Variants in ANK2 observed in about 807,000 individuals in gnomAD.
ANK2 encodes ankyrin-2.
A neutral mutation model predicts 360.5 loss-of-function variants in ANK2; 83 were observed. The ratio of observed to expected loss-of-function variants is 0.23; its 90% CI spans 0.19 to 0.28. ANK2 has a LOEUF of 0.28. ANK2 is among the 10% of genes least tolerant of loss of function. The probability of loss-of-function intolerance (pLI) is 1.00; values close to 1 mark genes in which losing one functional copy is unlikely to be tolerated. For synonymous variants in ANK2, 1,740 were observed against 1,759.5 expected (o/e 0.99, Z 0.28); for missense variants, 4,201 against 4,795.7 (o/e 0.88, Z 3.66).
At chr4:112,992,539 A>C (rs989122344) in intron 2 of ANK2, among the ~76,000 whole-genome samples, 1 of 152,190 alleles carries the variant, frequency 6.6e-6, no homozygotes, top group Non-Finnish European at 1.5e-5. Context: ...GACCTAAAAA[A>C]CAGAAATTTA....
At chr4:112,913,015 T>G (rs563497385) in intron 2 of ANK2, among the ~76,000 whole-genome samples, 1 of 152,200 alleles carries the variant, frequency 6.6e-6, no homozygotes, top group Non-Finnish European at 1.5e-5. Context: ...ATTTATAATT[T>G]TATGTTATAA....
chr4:113,024,757 G>T (rs1284619200), intron 2 of ANK2, among the ~76,000 whole-genome samples: 1 of 152,098 alleles, frequency 6.6e-6, no homozygotes, highest in African/African-American at 2.4e-5. Context: ...ATTGTTTGAC[G>T]CTAGAAGATA....
intron 5 of ANK2, among the ~76,000 whole-genome samples, chr4:113,236,021 A>T (rs973113038): frequency 1.3e-5 from 2 of 152,134 alleles, no homozygotes; most frequent in Non-Finnish European, 2.9e-5. Context: ...TACAGGTGTG[A>T]GCCACCGTGC....
chr4:112,861,883 A>G (rs1162975949), intron 1 of ANK2, among the ~76,000 whole-genome samples: 2 of 107,302 alleles, frequency 1.9e-5, no homozygotes, highest in East Asian at 7.5e-4. Flanking sequence ...CTCACAGTTT[A>G]TGCGAGAGTC....
rs752093696 is a variant in ANK2 at position 113,358,307 on chromosome 4, C to T, written c.9689C>T (p.Thr3230Met). The change falls in exon 38 of 46, where the codon ACG becomes ATG. Residue 3230 changes from threonine to methionine, a missense_variant. Around this residue, in one of 4 missense-constraint regions of ANK2, gnomAD observed 2,642 missense variants for 2,714.5 expected, o/e 0.97. Coordinates refer to ENST00000357077, the MANE Select transcript of ANK2 (RefSeq NM_001148.6). ...VGTKDLPTVQTGDIPPLSGVK... is the reference protein window; with the variant it reads ...VGTKDLPTVQMGDIPPLSGVK... Reference sequence around the variant, plus strand: ...ACCAAGGACCTCCCCACCGTGCAAACGGGTGATATACCTCCTCTCTCTGGT... The same window carrying T: ...ACCAAGGACCTCCCCACCGTGCAAATGGGTGATATACCTCCTCTCTCTGGT... The T allele has an allele frequency of 3.2e-5, 52 of 1,613,454 alleles. No homozygotes were observed. The East Asian group carries it at 7.4e-4, about 23-fold the overall frequency.
chr4:113,292,818 A>AC (rs1174882622), intron 21 of ANK2, among the ~76,000 whole-genome samples: 8 of 150,856 alleles, frequency 5.3e-5, no homozygotes, highest in African/African-American at 7.3e-5. Flanking sequence ...GCACAAATTG[A>AC]CCCCCCCTCG....
chr4:113,269,157 G>A (rs546357345), intron 14 of ANK2, among the ~76,000 whole-genome samples: 2 of 152,296 alleles, frequency 1.3e-5, no homozygotes, highest in Admixed American at 6.5e-5. Context: ...ATTAACTTCA[G>A]ACTGCTGTGC....
intron 17 of ANK2, among the ~76,000 whole-genome samples, chr4:113,280,870 G>T (rs1057042196): frequency 2.0e-5 from 3 of 152,152 alleles, no homozygotes; most frequent in Non-Finnish European, 2.9e-5. Context: ...AGGCAGTGGG[G>T]TAACTAAGAC....
Position 113,354,371 on chromosome 4 carries a change from C to T in ANK2, c.5753C>T (p.Pro1918Leu). Residue 1918 changes from proline to leucine, a missense_variant, in exon 38 of 46, where the codon CCC becomes CTC. By Grantham distance (98) the Pro-to-Leu change is moderately conservative. Coordinates refer to ENST00000357077, the MANE Select transcript of ANK2 (RefSeq NM_001148.6). ...GKTDKRPPVS[P>L]SGRTEKHPPV... ...ACAGACAAACGTCCACCTGTATCGC[C>T]CTCCGGGAGGACAGAAAAACACCCG... The T allele has an allele frequency of 6.2e-7, 1 of 1,614,058 alleles. No homozygotes were observed. The highest frequency in any genetic ancestry group is 8.5e-7 in the Non-Finnish European group (1 of 1,179,974).
At chr4:112,960,247 C>G (rs1197276507) in intron 2 of ANK2, among the ~76,000 whole-genome samples, 1 of 152,022 alleles carries the variant, frequency 6.6e-6, no homozygotes, top group Non-Finnish European at 1.5e-5. Flanking sequence ...ATATTGTCCA[C>G]AACCTTCTTT....
Position 113,354,433 on chromosome 4 carries a change from G to C in ANK2, c.5815G>C (p.Val1939Leu), listed in dbSNP as rs759195568. 1.7e-5 allele frequency: 28 copies of C among 1,614,006 alleles called. No homozygotes were observed. The highest frequency in any genetic ancestry group is 2.2e-5 in the Non-Finnish European group (26 of 1,179,960). Residue 1939 changes from valine (V) to leucine (L), a missense_variant, in exon 38 of 46, where the codon GTT (valine) becomes CTT (leucine). Physicochemically the swap from Val to Leu is conservative, Grantham distance 32 (BLOSUM62 1). This residue lies in a region of ANK2 where 2,642 missense variants were observed against 2,714.5 expected (regional missense o/e 0.97). Transcript: ENST00000357077. Reference sequence around the variant, plus strand: ...TGGGAGAACAGAAAAACGCTTGCCTGTTTCACCCTCCGGAAGAACGGACAA... The same window carrying C: ...TGGGAGAACAGAAAAACGCTTGCCTCTTTCACCCTCCGGAAGAACGGACAA... ...SPGRTEKRLP[V>L]SPSGRTDKHQ...
At position 113,357,346 on chromosome 4, in the gene ANK2, G is replaced by T. The variant is rs748400535; in HGVS notation, c.8728G>T (p.Val2910Leu). 3 of 1,613,890 alleles carry T rather than the reference G, an allele frequency of 1.9e-6. No individual in the cohort carries two copies. Among genetic ancestry groups the T allele is most frequent in the Non-Finnish European group, 2.5e-6 (3 of 1,179,958 alleles). Residue 2910 changes from valine (V) to leucine (L), a missense_variant, in exon 38 of 46, where the codon GTG (valine) becomes TTG (leucine). Around this residue, in one of 4 missense-constraint regions of ANK2, gnomAD observed 2,642 missense variants for 2,714.5 expected, o/e 0.97. Transcript: ENST00000357077. ...AGATAGATTTTCCATGGATGTTCCC[G>T]TGTCTGACCTAGCTGAGAATGATGA... ...QTDRFSMDVP[V>L]SDLAENDEIY...
At chr4:113,368,863 T>A (rs2096630132) in intron 42 of ANK2, among the ~76,000 whole-genome samples, 1 of 152,166 alleles carries the variant, frequency 6.6e-6, no homozygotes, top group Non-Finnish European at 1.5e-5. Flanking sequence ...GAGAGACATT[T>A]TAGGCATTTA....
intron 37 of ANK2, 114 bp downstream of exon 37, chr4:113,350,363 T>C (rs2095328688): frequency 1.2e-6 from 1 of 809,930 alleles, no homozygotes; most frequent in Non-Finnish European, 1.9e-6. Flanking sequence ...TACATTTTTA[T>C]ATTATCCTTA....
rs916082098 is a variant in ANK2, at chr4:113,072,644, A to C, written c.84+22832A>C. ...TACGGAGGTTCTGAATTGTTTAGGC[A>C]ATAGCAATGCATTATGCAATACTCA... On this transcript the variant is annotated intron_variant, in intron 1 of 45. Coordinates refer to ENST00000357077, the MANE Select transcript of ANK2 (RefSeq NM_001148.6). Among the ~76,000 whole-genome samples the C allele has an allele frequency of 5.3e-5, 8 of 152,300 alleles. 1 individual carries two copies. Among genetic ancestry groups the C allele is most frequent in the African/African-American group, 1.9e-4 (8 of 41,562 alleles).
the ANK2 span, among the ~76,000 whole-genome samples, chr4:112,751,917 A>G: frequency 6.6e-6 from 1 of 152,180 alleles, no homozygotes. Flanking sequence ...TAGCCTGTGA[A>G]ATGTTAGTGA....
At chr4:112,827,286 TA>T in intron 1 of ANK2, 1 of 1,060,108 alleles carries the variant, frequency 9.4e-7, no homozygotes, top group Non-Finnish European at 1.5e-6. Flanking sequence ...AGAGTCATTG[TA>T]ATAAAGAAGA....
At chr4:112,765,242 G>A in the ANK2 span, among the ~76,000 whole-genome samples, 15 of 152,218 alleles carry the variant, frequency 9.9e-5, no homozygotes, top group East Asian at 2.1e-3. Flanking sequence ...TTAAACATCC[G>A]CAATTGTCCC....
chr4:112,729,679 C>T, the ANK2 span, among the ~76,000 whole-genome samples: 5 of 149,290 alleles, frequency 3.3e-5, no homozygotes, highest in Non-Finnish European at 5.9e-5. Context: ...ACCCGGGAGG[C>T]GGAGGTTGCA....
Sources: gnomAD v4.1 joint callset for allele counts (sites outside exome capture counted in the v4.1 genomes callset) on GRCh38, gnomAD v4.1.1 for gene constraint, gnomAD v4.1.1 regional missense constraint, MANE v1.5 for transcripts, NCBI Gene and HGNC (gene_info 2026-07-23, HGNC 2026-07-21) for gene names.